The following SOX6 variants were observed in gnomAD, a reference collection of about 807,000 sequenced individuals.
The protein encoded by SOX6 is transcription factor SOX-6.
In SOX6, 11 loss-of-function variants were observed where a neutral mutation model predicts 97.8. The ratio of observed to expected loss-of-function variants is 0.11; its 90% CI spans 0.07 to 0.19. The LOEUF (loss-of-function observed/expected upper bound fraction) is 0.19, where lower values mean the gene tolerates loss of function less well. Among genes scored for constraint, SOX6 ranks in the 10% least tolerant of loss-of-function variants. SOX6 has a pLI of 1.00. For synonymous variants in SOX6, 360 were observed against 371.4 expected, an observed-to-expected ratio of 0.97 and a Z score of 0.35; for missense variants, 810 against 1,039.5, an observed-to-expected ratio of 0.78 and a Z score of 3.04.
At chr11:16,247,588 A>C (rs1853377840) in intron 3 of SOX6, among the ~76,000 whole-genome samples, 1 of 152,184 alleles carries the variant, frequency 6.6e-6, no homozygotes, top group South Asian at 2.1e-4. Context: ...AAGGAGAAGA[A>C]TGAGAACTGA....
At chr11:16,532,420 A>T (rs1421148962) in intron 4 of SOX6, among the ~76,000 whole-genome samples, 1 of 151,930 alleles carries the variant, frequency 6.6e-6, no homozygotes, top group Non-Finnish European at 1.5e-5. Context: ...TTCAGAAATC[A>T]GAAAAACTCA....
At chr11:16,038,926 T>A (rs900436956) in intron 12 of SOX6, among the ~76,000 whole-genome samples, 3 of 152,124 alleles carry the variant, frequency 2.0e-5, no homozygotes, top group Non-Finnish European at 4.4e-5. Context: ...CTTAGGTATG[T>A]CTGAAGCTTT....
In SOX6 at chr11:16,366,508, G is replaced by A. The variant is rs556575250; in HGVS notation, c.-4-25256C>T. Among the ~76,000 whole-genome samples the A allele has an allele frequency of 2.6e-5, 4 of 152,170 alleles. No individual in the cohort carries two copies. In the South Asian group the frequency reaches 8.3e-4, roughly 32 times the overall value. The stretch of plus-strand genomic sequence containing the variant: ...ACAATCTATAATGATAACAGATATT[G>A]AGAAAGGCTTAAGGACACTGCAAGC... On this transcript the variant is annotated intron_variant, in intron 1 of 15. Transcript: ENST00000396356.
intron 2 of SOX6, among the ~76,000 whole-genome samples, chr11:16,338,326 T>C (rs983542670): frequency 1.3e-5 from 2 of 151,956 alleles, no homozygotes; most frequent in East Asian, 1.9e-4. Flanking sequence ...TTAAATTTTA[T>C]ATTAGCAGAG....
At chr11:16,096,406 C>A (rs1718264984) in intron 8 of SOX6, among the ~76,000 whole-genome samples, 1 of 151,710 alleles carries the variant, frequency 6.6e-6, no homozygotes. Flanking sequence ...TAGACTTGCA[C>A]CAACTATAGT....
chr11:16,004,414 T>C (rs1243194145), intron 13 of SOX6, among the ~76,000 whole-genome samples: 3 of 152,094 alleles, frequency 2.0e-5, no homozygotes, highest in Non-Finnish European at 4.4e-5. Context: ...CTAATTTAAC[T>C]GGCCTCTCTT....
intron 4 of SOX6, among the ~76,000 whole-genome samples, chr11:16,585,821 T>A (rs1025686563): frequency 3.3e-5 from 5 of 151,682 alleles, no homozygotes; most frequent in African/African-American, 1.2e-4. Context: ...TAGCTGGAAC[T>A]ACAGGCACAT....
intron 2 of SOX6, among the ~76,000 whole-genome samples, chr11:16,727,888 A>C (rs1848319427): frequency 6.6e-6 from 1 of 152,074 alleles, no homozygotes; most frequent in Non-Finnish European, 1.5e-5. Context: ...ATTACCCACT[A>C]ATTTAAACTC....
intron 2 of SOX6, among the ~76,000 whole-genome samples, chr11:16,717,851 C>G (rs957165374): frequency 6.6e-6 from 1 of 151,578 alleles, no homozygotes; most frequent in Admixed American, 6.6e-5. Flanking sequence ...AATATGGCAA[C>G]TCTTCCTCTT....
At chr11:16,392,228 T>C (rs527498250) in intron 1 of SOX6, among the ~76,000 whole-genome samples, 2 of 152,240 alleles carry the variant, frequency 1.3e-5, no homozygotes, top group East Asian at 1.9e-4. Flanking sequence ...TTGAAAATAG[T>C]AGTTACACTT....
At chr11:16,682,390 C>A (rs987128546) in intron 3 of SOX6, among the ~76,000 whole-genome samples, 2 of 152,154 alleles carry the variant, frequency 1.3e-5, no homozygotes, top group African/African-American at 2.4e-5. Context: ...TTCTCCACCA[C>A]GATCAAGTCA....
chr11:16,043,125 A>G (rs1446429041), intron 12 of SOX6, among the ~76,000 whole-genome samples: 1 of 152,180 alleles, frequency 6.6e-6, no homozygotes, highest in Non-Finnish European at 1.5e-5. Flanking sequence ...CAGCCTAATT[A>G]AAATTCTGTT....
intron 4 of SOX6, among the ~76,000 whole-genome samples, chr11:16,550,591 A>G (rs1847672547): frequency 6.6e-6 from 1 of 152,162 alleles, no homozygotes; most frequent in Non-Finnish European, 1.5e-5. Flanking sequence ...TCATTGCTCT[A>G]AATTATACCT....
At chr11:16,290,723 C>A (rs1451843034) in intron 3 of SOX6, among the ~76,000 whole-genome samples, 1 of 152,052 alleles carries the variant, frequency 6.6e-6, no homozygotes, top group Non-Finnish European at 1.5e-5. Flanking sequence ...GTTATACACC[C>A]AGGCACTGCT....
intron 4 of SOX6, among the ~76,000 whole-genome samples, chr11:16,188,258 A>T (rs1817465486): frequency 6.6e-6 from 1 of 151,134 alleles, no homozygotes; most frequent in Non-Finnish European, 1.5e-5. Flanking sequence ...AAAAGCTGTC[A>T]GTATCTCTTA....
At chr11:16,305,796 G>A (rs1365306835) in intron 3 of SOX6, among the ~76,000 whole-genome samples, 1 of 151,920 alleles carries the variant, frequency 6.6e-6, no homozygotes, top group Non-Finnish European at 1.5e-5. Flanking sequence ...GAATCTCCAG[G>A]GAAGTAAGCT....
chr11:16,651,055 C>G (rs1477382749), intron 3 of SOX6, among the ~76,000 whole-genome samples: 1 of 151,984 alleles, frequency 6.6e-6, no homozygotes, highest in Non-Finnish European at 1.5e-5. Context: ...AAATATACAA[C>G]CCTCCTAGAT....
chr11:16,111,527 A>C (rs1443581787), intron 7 of SOX6, among the ~76,000 whole-genome samples: 3 of 152,196 alleles, frequency 2.0e-5, no homozygotes, highest in Non-Finnish European at 4.4e-5. Flanking sequence ...AGTATGAGAG[A>C]GAGCTGACAA....
intron 4 of SOX6, among the ~76,000 whole-genome samples, chr11:16,196,830 C>CTTTTT (rs34023402): frequency 7.9e-5 from 5 of 63,498 alleles, no homozygotes; most frequent in Non-Finnish European, 1.4e-4. Flanking sequence ...TCTTCTTCTT[C>CTTTTT]TTTTTTTTTT....
Sources: gnomAD v4.1 joint callset for allele counts (sites outside exome capture counted in the v4.1 genomes callset) on GRCh38, gnomAD v4.1.1 for gene constraint, MANE v1.5 for transcripts, NCBI Gene and HGNC (gene_info 2026-07-23, HGNC 2026-07-21) for gene names.